FOLH1: variants seen among roughly 807,000 people sequenced by gnomAD.
The protein encoded by FOLH1 is glutamate carboxypeptidase 2.
In FOLH1, 54 loss-of-function variants were observed where a neutral mutation model predicts 93.9. The ratio of observed to expected loss-of-function variants is 0.57; its 90% CI spans 0.46 to 0.72. The LOEUF (loss-of-function observed/expected upper bound fraction) is 0.72. FOLH1 is among the 30% of genes least tolerant of loss of function. The pLI, the probability that FOLH1 is intolerant of heterozygous loss-of-function variation, is 0.00. For synonymous variants in FOLH1, 249 were observed against 303.6 expected, an observed-to-expected ratio of 0.82 and a Z score of 1.87; for missense variants, 571 against 892.5, an observed-to-expected ratio of 0.64 and a Z score of 4.59.
In FOLH1 at chr11:49,153,847, T is replaced by C. The variant is rs1315607406; in HGVS notation, c.1969A>G (p.Asn657Asp). The C allele has an allele frequency of 6.2e-7, 1 of 1,600,348 alleles. No homozygotes were observed. The highest frequency in any genetic ancestry group is 1.1e-5 in the South Asian group (1 of 88,974). Residue 657 changes from asparagine (N) to aspartate (D), a missense_variant and splice_region_variant, in exon 17 of 19, where the codon AAC (asparagine) becomes GAC (aspartate). Coordinates refer to ENST00000256999, the MANE Select transcript of FOLH1 (RefSeq NM_004476.3). ...SERLQDFDKS[N>D]PIVLRMMNDQ... Reference sequence around the variant, plus strand: ...TATGCACATATATGTAGAACATACTTGCTTTTGTCAAAGTCCTGGAGTCTC... The same window carrying C: ...TATGCACATATATGTAGAACATACTCGCTTTTGTCAAAGTCCTGGAGTCTC...
intron 17 of FOLH1, among the ~76,000 whole-genome samples, chr11:49,150,201 C>T (rs961782997): frequency 3.3e-5 from 5 of 152,070 alleles, no homozygotes; most frequent in African/African-American, 1.2e-4. Flanking sequence ...AATAAGTGGA[C>T]CTGTGCAGTT....
intron 17 of FOLH1, among the ~76,000 whole-genome samples, chr11:49,152,374 A>C (rs1423935646): frequency 1.3e-5 from 2 of 152,180 alleles, no homozygotes; most frequent in Non-Finnish European, 2.9e-5. Context: ...TATCTTTTTC[A>C]AAAAGGCTAA....
At chr11:49,163,233 C>T (rs868539874) in intron 13 of FOLH1, among the ~76,000 whole-genome samples, 8 of 152,228 alleles carry the variant, frequency 5.3e-5, no homozygotes, top group African/African-American at 1.7e-4. Context: ...CAGCTCCATC[C>T]CAGGGTGTCC....
intron 2 of FOLH1, among the ~76,000 whole-genome samples, chr11:49,204,763 C>CA (rs1233560453): frequency 2.0e-5 from 3 of 152,028 alleles, no homozygotes; most frequent in Non-Finnish European, 4.4e-5. Context: ...TACCTATGTG[C>CA]ATGTGTGTGT....
At chr11:49,206,756 C>G (rs561101998) in intron 1 of FOLH1, 268 of 1,535,484 alleles carry the variant, frequency 1.7e-4, no homozygotes, top group Non-Finnish European at 2.3e-4. Context: ...GTTCAGACAG[C>G]TACAATGAAA....
chr11:49,164,065 G>C (rs1297543580), intron 13 of FOLH1, among the ~76,000 whole-genome samples: 1 of 152,110 alleles, frequency 6.6e-6, no homozygotes, highest in Non-Finnish European at 1.5e-5. Flanking sequence ...TGAAGGTGCT[G>C]TATTTACTTG....
At chr11:49,205,847 TC>T (rs1348803163) in intron 2 of FOLH1, among the ~76,000 whole-genome samples, 1 of 152,208 alleles carries the variant, frequency 6.6e-6, no homozygotes, top group Non-Finnish European at 1.5e-5. Flanking sequence ...CAAAGGCTGG[TC>T]CTTGTACAGA....
At chr11:49,148,570 G>A in intron 18 of FOLH1, 69 bp downstream of exon 18, 1 of 1,216,660 alleles carries the variant, frequency 8.2e-7, no homozygotes, top group South Asian at 1.5e-5. Context: ...TTTTTCCACA[G>A]TGAAAAAAAT....
intron 4 of FOLH1, among the ~76,000 whole-genome samples, chr11:49,187,101 C>T (rs190630501): frequency 8.7e-4 from 133 of 152,282 alleles, no homozygotes; most frequent in Non-Finnish European, 1.5e-3. Context: ...TTGAAGGTGT[C>T]CAGATACCCT....
chr11:49,169,992 ATTCT>A (rs1859038302), intron 11 of FOLH1, among the ~76,000 whole-genome samples: 1 of 152,158 alleles, frequency 6.6e-6, no homozygotes, highest in South Asian at 2.1e-4. Flanking sequence ...TAGTGGCAAA[ATTCT>A]TTCTTATAAA....
At chr11:49,153,268 A>G (rs1276108692) in intron 17 of FOLH1, among the ~76,000 whole-genome samples, 4 of 151,606 alleles carry the variant, frequency 2.6e-5, no homozygotes, top group African/African-American at 9.7e-5. Flanking sequence ...TAACATTTCC[A>G]AAATTAATGG....
chr11:49,148,156 G>C (rs2134827650), intron 18 of FOLH1, among the ~76,000 whole-genome samples: 1 of 151,662 alleles, frequency 6.6e-6, no homozygotes, highest in African/African-American at 2.4e-5. Context: ...CCAACTGTCA[G>C]GATTTAGGAG....
intron 1 of FOLH1, chr11:49,207,771 G>A (rs1864136001): frequency 4.8e-6 from 2 of 418,366 alleles, no homozygotes; most frequent in African/African-American, 4.2e-5. Context: ...TGCCTGTGTG[G>A]TTCTGCTTTT....
In FOLH1 at chr11:49,208,364, G is replaced by C. The variant is rs1270251071; in HGVS notation, c.46C>G (p.Arg16Gly). The C allele has an allele frequency of 5.0e-6, 8 of 1,602,794 alleles. No homozygotes were observed. The highest frequency in any genetic ancestry group is 6.8e-6 in the Non-Finnish European group (8 of 1,173,800). The change falls in exon 1 of 19, where the codon CGC (arginine) becomes GGC (glycine). Residue 16 changes from arginine (R) to glycine (G), a missense_variant. Arg to Gly is a moderately radical substitution (Grantham distance 125). This residue lies in a region of FOLH1 where 71 missense variants were observed against 69.6 expected (regional missense o/e 1.02). Coordinates refer to ENST00000256999, the MANE Select transcript of FOLH1 (RefSeq NM_004476.3). ...HETDSAVATA[R>G]RPRWLCAGAL... ...CCAGCGCACAGCCAGCGCGGGCGGC[G>C]CGCGGTGGCCACAGCCGAGTCGGTT...
At chr11:49,175,574 G>C (rs1379913364) in intron 8 of FOLH1, among the ~76,000 whole-genome samples, 2 of 152,148 alleles carry the variant, frequency 1.3e-5, no homozygotes, top group African/African-American at 4.8e-5. Flanking sequence ...TGATTCTGAA[G>C]CTGCATCTAA....
At chr11:49,149,435 A>C (rs1238750229) in intron 17 of FOLH1, among the ~76,000 whole-genome samples, 1 of 151,898 alleles carries the variant, frequency 6.6e-6, no homozygotes, top group African/African-American at 2.4e-5. Context: ...CCCCAGTATA[A>C]CTCTTACCAC....
rs1397028071 is a variant in FOLH1, at chr11:49,172,659, A to C, written c.1225+698T>G. On this transcript the variant is annotated intron_variant, in intron 10 of 18. Coordinates refer to ENST00000256999, the MANE Select transcript of FOLH1 (RefSeq NM_004476.3). ...TATTGTTTTTATGGTTGATAAAAAT[A>C]TATAGATTACATTTTACAGCCCCAG... Among the ~76,000 whole-genome samples, 3 of 152,228 alleles carry C rather than the reference A, an allele frequency of 2.0e-5. No homozygotes were observed. The East Asian group carries it at 5.8e-4, about 29-fold the overall frequency.
At chr11:49,200,052 C>T (rs1041912577) in intron 3 of FOLH1, among the ~76,000 whole-genome samples, 11 of 152,082 alleles carry the variant, frequency 7.2e-5, no homozygotes, top group Non-Finnish European at 1.2e-4. Flanking sequence ...ATTAATTTCT[C>T]GAATCTTTCT....
intron 3 of FOLH1, among the ~76,000 whole-genome samples, chr11:49,193,984 C>T (rs1862344135): frequency 1.3e-5 from 2 of 151,918 alleles, no homozygotes; most frequent in South Asian, 2.1e-4. Context: ...ATGGTGAAAC[C>T]GCGTCTCTAC....
Sources: gnomAD v4.1 joint callset for allele counts (sites outside exome capture counted in the v4.1 genomes callset) on GRCh38, gnomAD v4.1.1 for gene constraint, gnomAD v4.1.1 regional missense constraint, MANE v1.5 for transcripts, NCBI Gene and HGNC (gene_info 2026-07-23, HGNC 2026-07-21) for gene names.